FASTKD3: variants seen among roughly 807,000 people sequenced by gnomAD.
The protein encoded by FASTKD3 is FAST kinase domains 3, also known as FAST kinase domain-containing protein 3, mitochondrial.
In FASTKD3, 47 loss-of-function variants were observed where a neutral mutation model predicts 49.7. The ratio of observed to expected loss-of-function variants is 0.95; its 90% CI spans 0.75 to 1.21. The LOEUF (loss-of-function observed/expected upper bound fraction) is 1.21. FASTKD3 is among the 50% of genes most tolerant of loss of function. The pLI is 0.00. For missense variants in FASTKD3, 748 were observed against 765.7 expected (o/e 0.98, Z 0.27); for synonymous variants, 284 against 288.6 (o/e 0.98, Z 0.16).
chr5:7,862,287 A>G (rs1189912681), intron 4 of FASTKD3, among the ~76,000 whole-genome samples: 2 of 152,124 alleles, frequency 1.3e-5, no homozygotes, highest in African/African-American at 4.8e-5. Flanking sequence ...TGTCCAGGAG[A>G]AATTTCTGTG....
chr5:7,864,693 T>C (rs1322856144), intron 3 of FASTKD3, among the ~76,000 whole-genome samples: 1 of 152,174 alleles, frequency 6.6e-6, no homozygotes, highest in African/African-American at 2.4e-5. Context: ...TATGATATCC[T>C]CTTTCATGTA....
In FASTKD3 at chr5:7,863,765, G is replaced by T. The variant is rs571786874; in HGVS notation, c.1525-768C>A. ...CATGACAGATGCTAATAAATTCCAGGTGTACAACATGCTGACTATAGTTAA... is the reference window on the plus strand; with the variant it reads ...CATGACAGATGCTAATAAATTCCAGTTGTACAACATGCTGACTATAGTTAA... On this transcript the variant is annotated intron_variant, in intron 3 of 6. Transcript: ENST00000264669. Among the ~76,000 whole-genome samples, 4 of 152,268 alleles carry T rather than the reference G, an allele frequency of 2.6e-5. No homozygotes were observed. In the East Asian group the frequency reaches 7.7e-4, roughly 29 times the overall value.
At position 7,866,772 on chromosome 5, in the gene FASTKD3, T is replaced by C; in HGVS notation, c.1312A>G (p.Thr438Ala). The C allele has an allele frequency of 6.2e-6, 10 of 1,614,094 alleles. No individual in the cohort carries two copies. Among genetic ancestry groups the C allele is most frequent in the Non-Finnish European group, 8.5e-6 (10 of 1,179,966 alleles). The stretch of plus-strand genomic sequence containing the variant: ...TTGGGTGGAAAATAATTGAAATGAG[T>C]GAATAGCACGTTTTCCAGCTTTCTA... ...LFRKLENVLF[T>A]HFNYFPPKSL... Residue 438 changes from threonine to alanine, a missense_variant, in exon 2 of 7, where the codon ACT becomes GCT. Thr to Ala is a moderately conservative substitution (Grantham distance 58). Coordinates refer to ENST00000264669, the MANE Select transcript of FASTKD3 (RefSeq NM_024091.4).
At chr5:7,865,662 C>G (rs1369047000) in intron 3 of FASTKD3, among the ~76,000 whole-genome samples, 1 of 152,124 alleles carries the variant, frequency 6.6e-6, no homozygotes, top group Non-Finnish European at 1.5e-5. Context: ...AACTCACATG[C>G]CTGCAGCACT....
intron 4 of FASTKD3, among the ~76,000 whole-genome samples, chr5:7,862,384 T>C (rs1302984973): frequency 2.6e-5 from 4 of 152,086 alleles, no homozygotes; most frequent in African/African-American, 7.2e-5. Context: ...GACTGAGGAA[T>C]TGAATTTTCT....
At chr5:7,861,922 T>C in intron 4 of FASTKD3, 1 of 364,606 alleles carries the variant, frequency 2.7e-6, no homozygotes, top group African/African-American at 2.1e-5. Context: ...ACAAGAACCA[T>C]GCATGCTTTC....
chr5:7,866,726 T>C lies in FASTKD3; in HGVS notation c.1358A>G (p.His453Arg). The C allele has an allele frequency of 6.2e-7, 1 of 1,613,768 alleles. No homozygotes were observed. Among genetic ancestry groups the C allele is most frequent in the Non-Finnish European group, 8.5e-7 (1 of 1,179,926 alleles). The change falls in exon 2 of 7, where the codon CAT becomes CGT. Residue 453 changes from histidine to arginine, a missense_variant. This residue lies in a region of FASTKD3 where 564 missense variants were observed against 562.8 expected (regional missense o/e 1.00). Coordinates refer to ENST00000264669, the MANE Select transcript of FASTKD3 (RefSeq NM_024091.4). ...FPPKSLLKLL[H>R]SCSLNECHPV... ...ATGGCATTCATTAAGTGAACATGAA[T>C]GAAGAAGTTTCAATAATGATTTGGG...
In FASTKD3 at chr5:7,868,086, C is replaced by G. The variant is rs771989115; in HGVS notation, c.-3G>C. The G allele has an allele frequency of 6.4e-7, 1 of 1,563,914 alleles. No individual in the cohort carries two copies. The highest frequency in any genetic ancestry group is 2.3e-5 in the East Asian group (1 of 44,432). On this transcript the variant is annotated 5_prime_UTR_variant, in exon 2 of 7. The change abolishes an upstream ATG in the 5' untranslated region. Coordinates refer to ENST00000264669, the MANE Select transcript of FASTKD3 (RefSeq NM_024091.4). The stretch of plus-strand genomic sequence containing the variant: ...TTCCTCAAGGTGATTAATGCCATAC[C>G]ATCAGATTCTCAATTTGATAACTAA...
chr5:7,868,504 G>A (rs1207479810), intron 1 of FASTKD3, among the ~76,000 whole-genome samples: 1 of 152,138 alleles, frequency 6.6e-6, no homozygotes, highest in Admixed American at 6.5e-5. Flanking sequence ...GTTGGTTGAA[G>A]GAAGAAATTG....
intron 3 of FASTKD3, chr5:7,863,320 A>C (rs1348223830): frequency 1.1e-5 from 3 of 276,610 alleles, no homozygotes; most frequent in African/African-American, 2.3e-5. Flanking sequence ...ACAGTTCAAG[A>C]AACATTTTTA....
At position 7,866,684 on chromosome 5, in the gene FASTKD3, G is replaced by C; in HGVS notation, c.1400C>G (p.Ala467Gly). 2 of 1,597,256 alleles carry C rather than the reference G, an allele frequency of 1.3e-6. No individual in the cohort carries two copies. Among genetic ancestry groups the C allele is most frequent in the Non-Finnish European group, 1.7e-6 (2 of 1,173,454 alleles). ...AAGGAAAAGAGGCTTGAATATTTTT[G>C]CCAGAAAGTTGACTGGATGGCATTC... is the stretch of plus-strand genomic sequence containing the variant. ...LNECHPVNFL[A>G]KIFKPLFLQR... The change falls in exon 2 of 7, where the codon GCA (alanine) becomes GGA (glycine). Residue 467 changes from alanine (A) to glycine (G), a missense_variant. Coordinates refer to ENST00000264669, the MANE Select transcript of FASTKD3 (RefSeq NM_024091.4).
At chr5:7,866,089 C>T in intron 2 of FASTKD3, 106 bp from the exon 3 acceptor site, 3 of 812,292 alleles carry the variant, frequency 3.7e-6, no homozygotes, top group Admixed American at 2.1e-5. Context: ...CAGAAGTATT[C>T]TATTTTTAAA....
intron 3 of FASTKD3, 42 bp from the exon 4 acceptor site, chr5:7,863,039 T>C (rs754347634): frequency 6.5e-7 from 1 of 1,535,328 alleles, no homozygotes; most frequent in Non-Finnish European, 9.0e-7. Context: ...AAAAATAAGA[T>C]ATAACAACAG....
intron 1 of FASTKD3, 138 bp downstream of exon 1, chr5:7,868,841 G>A (rs535636116): frequency 3.2e-5 from 17 of 526,530 alleles, no homozygotes; most frequent in South Asian, 3.1e-4. Context: ...GGGACCCGCG[G>A]GGCGAGCACC....
chr5:7,868,758 G>C (rs1747268485), intron 1 of FASTKD3, among the ~76,000 whole-genome samples: 1 of 152,186 alleles, frequency 6.6e-6, no homozygotes, highest in African/African-American at 2.4e-5. Flanking sequence ...AGACGGTGCG[G>C]GGGGATTTGG....
chr5:7,861,581 A>G lies in FASTKD3; in HGVS notation c.1769+2T>C, dbSNP rs147411937. 1.6e-4 allele frequency: 245 copies of G among 1,578,550 alleles called. No individual in the cohort carries two copies. The highest frequency in any genetic ancestry group is 1.9e-4 in the Non-Finnish European group (224 of 1,161,722). On this transcript the variant is annotated splice_donor_variant, in intron 5 of 6. Transcript: ENST00000264669. LOFTEE classifies it high-confidence loss of function. Reference sequence around the variant, plus strand: ...TGTGAAAAACACAACATTTTCCTGTACCTTTTATGGATATCTTCATTAGCT... The same window carrying G: ...TGTGAAAAACACAACATTTTCCTGTGCCTTTTATGGATATCTTCATTAGCT...
intron 3 of FASTKD3, among the ~76,000 whole-genome samples, chr5:7,865,319 C>T (rs1019331770): frequency 6.6e-6 from 1 of 152,054 alleles, no homozygotes; most frequent in Non-Finnish European, 1.5e-5. Flanking sequence ...AAATCAGATA[C>T]TCTAAACTAT....
At chr5:7,868,943 G>A (rs555578280) in intron 1 of FASTKD3, 36 bp downstream of exon 1, 12 of 691,866 alleles carry the variant, frequency 1.7e-5, no homozygotes, top group Middle Eastern at 3.8e-4. Context: ...ACACCCAGCC[G>A]GACCAACTGC....
At chr5:7,863,229 G>A in intron 3 of FASTKD3, 1 of 481,288 alleles carries the variant, frequency 2.1e-6, no homozygotes, top group Admixed American at 3.9e-5. Flanking sequence ...AGTAGTCACT[G>A]GTTACCATAA....
Sources: allele counts gnomAD v4.1 joint callset (sites outside exome capture counted in the v4.1 genomes callset), GRCh38; gene constraint gnomAD v4.1.1; regional missense constraint gnomAD v4.1.1; transcripts MANE v1.5; gene names NCBI Gene and HGNC (gene_info 2026-07-23, HGNC 2026-07-21).